LDB2: variants seen among roughly 807,000 people sequenced by gnomAD.
LDB2 encodes the protein LIM domain binding 2, also known as LIM domain-binding protein 2.
LDB2 carries 12 observed loss-of-function variants against 44.3 expected under a neutral mutation model. That is an observed-to-expected ratio of 0.27 (90% CI 0.17 to 0.44). The LOEUF is 0.44. LDB2 is among the 20% of genes least tolerant of loss of function. LDB2 has a pLI of 1.00. For missense variants in LDB2, 344 were observed against 473.5 expected (o/e 0.73, Z 2.54); for synonymous variants, 164 against 174.8 (o/e 0.94, Z 0.49).
chr4:16,812,601 T>TATATATATATATATATATATATACAC (rs1174220204), intron 1 of LDB2, among the ~76,000 whole-genome samples: 2 of 137,754 alleles, frequency 1.5e-5, no homozygotes, highest in African/African-American at 5.7e-5. Flanking sequence ...TATATATATA[T>TATATATATATATATATATATATACAC]ATATATATAT....
chr4:16,664,933 G>T (rs1343292577), intron 2 of LDB2, among the ~76,000 whole-genome samples: 1 of 152,202 alleles, frequency 6.6e-6, no homozygotes, highest in African/African-American at 2.4e-5. Context: ...TCCTATGGAA[G>T]GACAAATGTA....
chr4:16,844,096 A>AC (rs1786436166), intron 1 of LDB2, among the ~76,000 whole-genome samples: 1 of 150,668 alleles, frequency 6.6e-6, no homozygotes, highest in Non-Finnish European at 1.5e-5. Flanking sequence ...CTAAAAAAAA[A>AC]AAAAAAAAAA....
intron 5 of LDB2, among the ~76,000 whole-genome samples, chr4:16,522,646 T>C (rs149528893): frequency 6.6e-6 from 1 of 152,182 alleles, no homozygotes; most frequent in Non-Finnish European, 1.5e-5. Flanking sequence ...TCTGTATATA[T>C]AGAGAGAAAT....
chr4:16,875,122 G>C (rs1441837673), intron 1 of LDB2, among the ~76,000 whole-genome samples: 1 of 152,118 alleles, frequency 6.6e-6, no homozygotes, highest in Non-Finnish European at 1.5e-5. Context: ...TCACTGGACA[G>C]CAAGGCAGGC....
chr4:16,788,211 G>T (rs1312924098), intron 1 of LDB2, among the ~76,000 whole-genome samples: 1 of 152,192 alleles, frequency 6.6e-6, no homozygotes, highest in South Asian at 2.1e-4. Flanking sequence ...GAGTAGCTAA[G>T]AAGCTCCAGA....
chr4:16,521,570 C>T (rs1412354240), intron 5 of LDB2, among the ~76,000 whole-genome samples: 1 of 152,120 alleles, frequency 6.6e-6, no homozygotes, highest in Non-Finnish European at 1.5e-5. Context: ...GCCTATTCAA[C>T]CTACTCTATG....
chr4:16,848,221 C>A (rs1787482044), intron 1 of LDB2, among the ~76,000 whole-genome samples: 1 of 152,178 alleles, frequency 6.6e-6, no homozygotes, highest in South Asian at 2.1e-4. Flanking sequence ...GGCAACAAGT[C>A]ATTAATAAAG....
intron 2 of LDB2, among the ~76,000 whole-genome samples, chr4:16,652,289 T>C (rs1738502683): frequency 6.6e-6 from 1 of 152,198 alleles, no homozygotes. Flanking sequence ...TTATTTTGCA[T>C]GTTAAGGATA....
chr4:16,639,917 C>T (rs1048076731), intron 2 of LDB2, among the ~76,000 whole-genome samples: 1 of 152,216 alleles, frequency 6.6e-6, no homozygotes, highest in South Asian at 2.1e-4. Flanking sequence ...GTGCAAAACA[C>T]CTGCAGGAGA....
At chr4:16,881,088 A>C (rs1300675201) in intron 1 of LDB2, among the ~76,000 whole-genome samples, 3 of 152,152 alleles carry the variant, frequency 2.0e-5, no homozygotes, top group Non-Finnish European at 2.9e-5. Context: ...GTCATCAGCC[A>C]ATGAGAAGGC....
At chr4:16,686,989 T>C (rs1272754705) in intron 2 of LDB2, among the ~76,000 whole-genome samples, 2 of 152,200 alleles carry the variant, frequency 1.3e-5, no homozygotes, top group Non-Finnish European at 2.9e-5. Flanking sequence ...ACCTCTCCTT[T>C]TTCTTCATCC....
chr4:16,540,853 T>G (rs1230369532), intron 5 of LDB2, among the ~76,000 whole-genome samples: 1 of 152,200 alleles, frequency 6.6e-6, no homozygotes, highest in African/African-American at 2.4e-5. Flanking sequence ...TTGACAACTT[T>G]TTTATCTTTA....
chr4:16,634,341 C>A (rs1338137519), intron 2 of LDB2, among the ~76,000 whole-genome samples: 1 of 148,380 alleles, frequency 6.7e-6, no homozygotes, highest in East Asian at 2.0e-4. Flanking sequence ...AACAGGCAAC[C>A]TGCAGAATGG....
rs75339495 is a variant in LDB2, at chr4:16,645,212, T to C, written c.236-49337A>G. ...AAGCTAATTCACACAGTGGCTGAGGTTTCCTTTTACAATAGCTGTAGTAAT... is the reference window on the plus strand; with the variant it reads ...AAGCTAATTCACACAGTGGCTGAGGCTTCCTTTTACAATAGCTGTAGTAAT... On this transcript the variant is annotated intron_variant, in intron 2 of 7. Coordinates refer to ENST00000304523, the MANE Select transcript of LDB2 (RefSeq NM_001290.5). Among the ~76,000 whole-genome samples, 183 of 152,322 alleles carry C rather than the reference T, an allele frequency of 1.2e-3. 3 individuals carry two copies. In the East Asian group the frequency reaches 0.034, roughly 29 times the overall value.
At chr4:16,592,040 A>T (rs1401450355) in intron 3 of LDB2, among the ~76,000 whole-genome samples, 1 of 152,170 alleles carries the variant, frequency 6.6e-6, no homozygotes, top group Non-Finnish European at 1.5e-5. Flanking sequence ...GCAACAGAAA[A>T]GATGTAATCC....
intron 3 of LDB2, among the ~76,000 whole-genome samples, chr4:16,592,462 A>G (rs1433700749): frequency 1.5e-5 from 1 of 66,100 alleles, no homozygotes; most frequent in African/African-American, 8.7e-5. Context: ...TGCATTATAC[A>G]TACATATATA....
At chr4:16,807,610 C>G (rs1579847898) in intron 1 of LDB2, among the ~76,000 whole-genome samples, 1 of 152,172 alleles carries the variant, frequency 6.6e-6, no homozygotes, top group Non-Finnish European at 1.5e-5. Flanking sequence ...AGCTAATGAG[C>G]TATTTCATTT....
intron 3 of LDB2, among the ~76,000 whole-genome samples, chr4:16,591,187 T>A (rs1405196270): frequency 2.6e-5 from 4 of 152,252 alleles, no homozygotes; most frequent in African/African-American, 9.6e-5. Flanking sequence ...TTTGCATTTA[T>A]GAACCACAAA....
intron 1 of LDB2, among the ~76,000 whole-genome samples, chr4:16,806,830 C>T (rs1404105410): frequency 2.0e-5 from 3 of 152,150 alleles, no homozygotes; most frequent in African/African-American, 7.2e-5. Context: ...TCACTGAGGG[C>T]AAGCTACTTC....
Sources: gnomAD v4.1 joint callset for allele counts (sites outside exome capture counted in the v4.1 genomes callset) on GRCh38, gnomAD v4.1.1 for gene constraint, MANE v1.5 for transcripts, NCBI Gene and HGNC (gene_info 2026-07-23, HGNC 2026-07-21) for gene names.